Variants in CACNG2 observed in about 807,000 individuals in gnomAD.
CACNG2 encodes the protein voltage-dependent calcium channel gamma-2 subunit.
CACNG2 carries 3 observed loss-of-function variants against 25.9 expected under a neutral mutation model. The ratio of observed to expected loss-of-function variants is 0.12; its 90% CI spans 0.05 to 0.30. The LOEUF is 0.30. Among genes scored for constraint, CACNG2 ranks in the 10% least tolerant of loss-of-function variants. The pLI is 1.00. For synonymous variants in CACNG2, 167 were observed against 173.3 expected (o/e 0.96, Z 0.29); for missense variants, 341 against 432.5 (o/e 0.79, Z 1.88).
chr22:36,672,380 C>T (rs1936963935), intron 1 of CACNG2, among the ~76,000 whole-genome samples: 1 of 152,128 alleles, frequency 6.6e-6, no homozygotes, highest in Admixed American at 6.5e-5. Context: ...CTGGTCTTAA[C>T]CTCTTGAACT....
chr22:36,655,304 C>T (rs983567183), intron 1 of CACNG2, among the ~76,000 whole-genome samples: 1 of 152,172 alleles, frequency 6.6e-6, no homozygotes, highest in Non-Finnish European at 1.5e-5. Flanking sequence ...AGAATATCAA[C>T]TTTTCTACCT....
At chr22:36,683,554 C>A (rs1937155176) in intron 1 of CACNG2, among the ~76,000 whole-genome samples, 1 of 152,190 alleles carries the variant, frequency 6.6e-6, no homozygotes, top group East Asian at 1.9e-4. Flanking sequence ...GACAGTCATT[C>A]CTGTTATGAC....
intron 1 of CACNG2, among the ~76,000 whole-genome samples, chr22:36,637,533 C>T (rs866713705): frequency 1.1e-4 from 16 of 152,190 alleles, no homozygotes; most frequent in East Asian, 1.9e-4. Flanking sequence ...TATCTGGAGA[C>T]GGCAAAGGGA....
intron 1 of CACNG2, among the ~76,000 whole-genome samples, chr22:36,633,073 A>T (rs986242074): frequency 2.4e-4 from 37 of 152,120 alleles, no homozygotes; most frequent in African/African-American, 7.2e-4. Flanking sequence ...TCACTTCTTC[A>T]GGTCTTTGCT....
chr22:36,620,571 A>T (rs1187094483), intron 1 of CACNG2, among the ~76,000 whole-genome samples: 1 of 152,258 alleles, frequency 6.6e-6, no homozygotes, highest in East Asian at 1.9e-4. Context: ...AAGACTCCCC[A>T]GATTTGAATT....
In CACNG2 at chr22:36,664,081, C is replaced by T. The variant is rs537316919; in HGVS notation, c.211+38285G>A. On this transcript the variant is annotated intron_variant, in intron 1 of 3. Coordinates refer to ENST00000300105, the MANE Select transcript of CACNG2 (RefSeq NM_006078.5). ...CCACCCTTCCTCCCCTATGGCTGGA[C>T]ATTACATGAGGGTGGCTGGCAAAAC... Among the ~76,000 whole-genome samples, 13 of 152,282 alleles carry T rather than the reference C, an allele frequency of 8.5e-5. No homozygotes were observed. The East Asian group carries it at 2.3e-3, about 27-fold the overall frequency.
intron 1 of CACNG2, among the ~76,000 whole-genome samples, chr22:36,612,408 T>C (rs1935956430): frequency 6.6e-6 from 1 of 152,220 alleles, no homozygotes. Context: ...TAATAAATGG[T>C]ATTGACTACA....
chr22:36,583,391 C>G (rs1935451972), intron 2 of CACNG2, among the ~76,000 whole-genome samples: 1 of 151,032 alleles, frequency 6.6e-6, no homozygotes, highest in Non-Finnish European at 1.5e-5. Flanking sequence ...CAAGATTGTA[C>G]CACTGCACTC....
chr22:36,612,562 A>G (rs969520497), intron 1 of CACNG2, among the ~76,000 whole-genome samples: 3 of 152,186 alleles, frequency 2.0e-5, no homozygotes, highest in East Asian at 3.8e-4. Context: ...TGGAAATCTC[A>G]TAACTTCTTG....
At chr22:36,635,688 A>G (rs1333766455) in intron 1 of CACNG2, among the ~76,000 whole-genome samples, 1 of 151,654 alleles carries the variant, frequency 6.6e-6, no homozygotes, top group African/African-American at 2.4e-5. Flanking sequence ...CGTATCTCCA[A>G]CTCCCTACAT....
chr22:36,625,398 C>T (rs1936169885), intron 1 of CACNG2, among the ~76,000 whole-genome samples: 1 of 152,158 alleles, frequency 6.6e-6, no homozygotes, highest in African/African-American at 2.4e-5. Context: ...TATGTCCTCC[C>T]ACCCCCATTC....
At chr22:36,692,857 A>G (rs369664984) in intron 1 of CACNG2, among the ~76,000 whole-genome samples, 16 of 152,322 alleles carry the variant, frequency 1.1e-4, no homozygotes, top group African/African-American at 3.6e-4. Flanking sequence ...TACAAAGTTA[A>G]AAAAGAAGCC....
chr22:36,642,713 G>A (rs895992040), intron 1 of CACNG2, among the ~76,000 whole-genome samples: 26 of 152,222 alleles, frequency 1.7e-4, no homozygotes, highest in Admixed American at 9.2e-4. Flanking sequence ...ACTACACTGT[G>A]AGAAGCATCA....
rs1295024015 is a variant in CACNG2 at position 36,564,430 on chromosome 22, T to C, written c.893A>G (p.Gln298Arg). 3 of 1,613,960 alleles carry C rather than the reference T, an allele frequency of 1.9e-6. No individual in the cohort carries two copies. The highest frequency in any genetic ancestry group is 1.3e-5 in the African/African-American group (1 of 74,914). Residue 298 changes from glutamine to arginine, a missense_variant, in exon 4 of 4, where the codon CAG becomes CGG. Physicochemically the swap from Gln to Arg is conservative, Grantham distance 43 (BLOSUM62 1). Around this residue, in one of 2 missense-constraint regions of CACNG2, gnomAD observed 172 missense variants for 178.1 expected, o/e 0.97. Transcript: ENST00000300105. This position sits in a 1 kb window ranked among gnomAD's most constrained non-coding sequence, Gnocchi z 6.7. The stretch of plus-strand genomic sequence containing the variant: ...CTCCTTCTGGATACAGTTGTGAACC[T>C]GGAGGAAGCTGTTATCCCTGTCGGA... ...YNSDRDNSFLQVHNCIQKENK... is the reference protein window; with the variant it reads ...YNSDRDNSFLRVHNCIQKENK...
At chr22:36,593,755 G>T (rs1935631718) in intron 1 of CACNG2, among the ~76,000 whole-genome samples, 1 of 152,014 alleles carries the variant, frequency 6.6e-6, no homozygotes, top group Admixed American at 6.6e-5. Context: ...TGTGCGATTG[G>T]TCCCAACGCC....
intron 1 of CACNG2, among the ~76,000 whole-genome samples, chr22:36,609,335 C>T (rs1479734845): frequency 2.0e-5 from 3 of 147,872 alleles, no homozygotes; most frequent in Non-Finnish European, 3.0e-5. Flanking sequence ...GAATCAGCCC[C>T]CTAGAGTGTG....
chr22:36,693,664 C>T (rs920939931), intron 1 of CACNG2, among the ~76,000 whole-genome samples: 1 of 152,200 alleles, frequency 6.6e-6, no homozygotes, highest in Non-Finnish European at 1.5e-5. Context: ...TCACCCCTTT[C>T]TGCTTTCTAC....
chr22:36,638,569 C>T (rs1190280592), intron 1 of CACNG2, among the ~76,000 whole-genome samples: 1 of 152,190 alleles, frequency 6.6e-6, no homozygotes, highest in African/African-American at 2.4e-5. Context: ...TCCATTCAAC[C>T]TTAAGTATTT....
intron 1 of CACNG2, among the ~76,000 whole-genome samples, chr22:36,694,756 C>A (rs1033890679): frequency 6.6e-6 from 1 of 152,150 alleles, no homozygotes; most frequent in Non-Finnish European, 1.5e-5. Flanking sequence ...CCACTGCCTG[C>A]CTAGGTTTCA....
Sources: allele counts gnomAD v4.1 joint callset (sites outside exome capture counted in the v4.1 genomes callset), GRCh38; gene constraint gnomAD v4.1.1; regional missense constraint gnomAD v4.1.1; non-coding constraint Gnocchi (gnomAD v3.1); transcripts MANE v1.5; gene names NCBI Gene and HGNC (gene_info 2026-07-23, HGNC 2026-07-21).